Variants in KCNJ6 observed in about 807,000 individuals in gnomAD.
KCNJ6 encodes potassium inwardly rectifying channel subfamily J member 6.
Under a neutral mutation model 34.2 loss-of-function variants are expected in KCNJ6, and 9 were observed. That is an observed-to-expected ratio of 0.26 (90% confidence interval 0.16 to 0.46). The LOEUF (loss-of-function observed/expected upper bound fraction) is 0.46, where lower values mean the gene tolerates loss of function less well. KCNJ6 is among the 20% of genes least tolerant of loss of function. The pLI, the probability that KCNJ6 is intolerant of heterozygous loss-of-function variation, is 1.00. For synonymous variants in KCNJ6, 196 were observed against 207.1 expected, an observed-to-expected ratio of 0.95 and a Z score of 0.46; for missense variants, 236 against 531.3, an observed-to-expected ratio of 0.44 and a Z score of 5.46.
intron 2 of KCNJ6, among the ~76,000 whole-genome samples, chr21:37,806,697 A>G (rs973954526): frequency 1.3e-5 from 2 of 152,226 alleles, no homozygotes; most frequent in African/African-American, 4.8e-5. Flanking sequence ...TACAATCCTG[A>G]TCTAAATTCA....
At chr21:37,632,161 AG>A (rs2054336772) in intron 3 of KCNJ6, among the ~76,000 whole-genome samples, 1 of 152,034 alleles carries the variant, frequency 6.6e-6, no homozygotes, top group Non-Finnish European at 1.5e-5. Context: ...ACTGGAGAAG[AG>A]GATTTCCAGA....
intron 1 of KCNJ6, among the ~76,000 whole-genome samples, chr21:37,886,969 T>A (rs1336398457): frequency 6.8e-6 from 1 of 148,058 alleles, no homozygotes; most frequent in African/African-American, 2.5e-5. Flanking sequence ...ATTTCACTCA[T>A]CCTCTGTTCC....
chr21:37,910,858 A>C (rs910171937), intron 1 of KCNJ6, among the ~76,000 whole-genome samples: 3 of 152,252 alleles, frequency 2.0e-5, no homozygotes, highest in Non-Finnish European at 2.9e-5. Context: ...GCCTTACTGC[A>C]TTCCATATAA....
rs148842116 is a variant in KCNJ6, at chr21:37,714,989, G to A, written c.168C>T (p.Tyr56=). The change falls in exon 3 of 4, where the codon TAC becomes TAT. Residue 56 remains tyrosine (Y), a synonymous_variant. Coordinates refer to ENST00000609713, the MANE Select transcript of KCNJ6 (RefSeq NM_002240.5). The surrounding 1 kb of genome is among the most constrained non-coding windows in gnomAD (Gnocchi z 5.9). ...CATTGCACTTTCCGTCTTTCCTCACGTACCTCTGGATTTTCCTTTTGGTCC... is the reference window on the plus strand; with the variant it reads ...CATTGCACTTTCCGTCTTTCCTCACATACCTCTGGATTTTCCTTTTGGTCC... ...RDRTKRKIQR[Y]VRKDGKCNVH... 2.5e-6 allele frequency: 4 copies of A among 1,614,160 alleles called. No homozygotes were observed. Among genetic ancestry groups the A allele is most frequent in the African/African-American group, 1.3e-5 (1 of 75,042 alleles).
At position 37,638,573 on chromosome 21, in the gene KCNJ6, C is replaced by T. The variant is rs373276391; in HGVS notation, c.947-13089G>A. On this transcript the variant is annotated intron_variant, in intron 3 of 3. Coordinates refer to ENST00000609713, the MANE Select transcript of KCNJ6 (RefSeq NM_002240.5). ...GGCATTCTGCACACCAGCACCTGGCCACCATTTGTCCCAAATTGCCACTCC... is the reference window on the plus strand; with the variant it reads ...GGCATTCTGCACACCAGCACCTGGCTACCATTTGTCCCAAATTGCCACTCC... 1.9e-4 allele frequency among the ~76,000 whole-genome samples: 29 copies of T among 152,310 alleles called. 3 individuals are homozygous for T. Among genetic ancestry groups the T allele is most frequent in the Admixed American group, 8.5e-4 (13 of 15,298 alleles).
At chr21:37,766,798 G>A (rs1470263511) in intron 2 of KCNJ6, among the ~76,000 whole-genome samples, 3 of 152,172 alleles carry the variant, frequency 2.0e-5, no homozygotes, top group Admixed American at 6.5e-5. Context: ...GTGGATGAAC[G>A]AGCATTACTC....
chr21:37,715,160 A>T, intron 2 of KCNJ6, 29 bp from the exon 3 acceptor site: 1 of 1,571,082 alleles, frequency 6.4e-7, no homozygotes, highest in Non-Finnish European at 8.7e-7. Context: ...GAAAAGAAAC[A>T]CTGAATGAAA....
chr21:37,786,480 TC>T (rs2055193157), intron 2 of KCNJ6, among the ~76,000 whole-genome samples: 1 of 152,176 alleles, frequency 6.6e-6, no homozygotes, highest in African/African-American at 2.4e-5. Context: ...AGAGGCCATC[TC>T]CTTTCAGAAG....
chr21:37,697,857 A>G (rs702862), intron 3 of KCNJ6, among the ~76,000 whole-genome samples: 148,889 of 152,310 alleles, frequency 0.98, 72,809 homozygotes, highest in East Asian at 1. Context: ...CTAGGCAAAT[A>G]GGGGTGGGAG....
intron 3 of KCNJ6, among the ~76,000 whole-genome samples, chr21:37,639,064 G>A (rs1017863021): frequency 3.9e-5 from 6 of 152,232 alleles, no homozygotes; most frequent in African/African-American, 1.4e-4. Context: ...TAATGTACCA[G>A]TAGGTGATGG....
chr21:37,789,769 G>A (rs2055208503), intron 2 of KCNJ6, among the ~76,000 whole-genome samples: 1 of 152,238 alleles, frequency 6.6e-6, no homozygotes, highest in Non-Finnish European at 1.5e-5. Context: ...CTGTCGACCA[G>A]TGTCTCTATT....
Position 37,611,058 on chromosome 21 carries a change from A to T in KCNJ6, c.*14101T>A, listed in dbSNP as rs1313764546. 2.0e-5 allele frequency: 3 copies of T among 152,196 alleles called. No homozygotes were observed. Among genetic ancestry groups the T allele is most frequent in the African/African-American group, 7.2e-5 (3 of 41,470 alleles). 9.4% of individuals were successfully genotyped at this position (152,196 alleles called of 1,614,324 possible). ...AATAGAAACAAAGTTGATTCTTTGA[A>T]AAGATCAATAAGCTCCATAAGTCTC... is the stretch of plus-strand genomic sequence containing the variant. On this transcript the variant is annotated 3_prime_UTR_variant, in exon 4 of 4. Transcript: ENST00000609713.
intron 3 of KCNJ6, among the ~76,000 whole-genome samples, chr21:37,628,137 A>G (rs189455870): frequency 6.6e-6 from 1 of 152,322 alleles, no homozygotes; most frequent in East Asian, 1.9e-4. Flanking sequence ...ACACATGCAA[A>G]GAAATAAGAA....
chr21:37,704,803 G>A (rs1475454512), intron 3 of KCNJ6, among the ~76,000 whole-genome samples: 1 of 151,974 alleles, frequency 6.6e-6, no homozygotes, highest in Non-Finnish European at 1.5e-5. Flanking sequence ...GGAATTCAGA[G>A]TCAAAATTGA....
At chr21:37,739,957 G>A (rs913986872) in intron 2 of KCNJ6, among the ~76,000 whole-genome samples, 4 of 150,796 alleles carry the variant, frequency 2.7e-5, no homozygotes, top group African/African-American at 9.7e-5. Context: ...CTGAAGAAAT[G>A]AATCATGGTC....
At chr21:37,645,472 C>G (rs1031482014) in intron 3 of KCNJ6, among the ~76,000 whole-genome samples, 6 of 152,028 alleles carry the variant, frequency 3.9e-5, no homozygotes, top group Non-Finnish European at 8.8e-5. Context: ...ACATATTTAT[C>G]GAAGCAACCA....
At chr21:37,748,066 TAGTC>T (rs1228963599) in intron 2 of KCNJ6, among the ~76,000 whole-genome samples, 2 of 152,162 alleles carry the variant, frequency 1.3e-5, no homozygotes, top group East Asian at 1.9e-4. Context: ...TGTGCAGACT[TAGTC>T]AGAAGCAAGA....
At chr21:37,781,869 ATACCTACC>A (rs969095488) in intron 2 of KCNJ6, among the ~76,000 whole-genome samples, 4 of 152,102 alleles carry the variant, frequency 2.6e-5, no homozygotes, top group Non-Finnish European at 5.9e-5. Flanking sequence ...TCACCTGGAA[ATACCTACC>A]TACCTACCTA....
intron 2 of KCNJ6, among the ~76,000 whole-genome samples, chr21:37,720,232 C>A (rs1240404032): frequency 6.6e-6 from 1 of 151,778 alleles, no homozygotes; most frequent in African/African-American, 2.4e-5. Flanking sequence ...ACTCTAGATA[C>A]CTGATTTAAG....
Sources: allele counts gnomAD v4.1 joint callset (sites outside exome capture counted in the v4.1 genomes callset), GRCh38; gene constraint gnomAD v4.1.1; non-coding constraint Gnocchi (gnomAD v3.1); transcripts MANE v1.5; gene names NCBI Gene and HGNC (gene_info 2026-07-23, HGNC 2026-07-21).